SEMA6D: variants seen among roughly 807,000 people sequenced by gnomAD.
SEMA6D encodes the protein semaphorin 6D, also known as semaphorin-6D.
A neutral mutation model predicts 106.6 loss-of-function variants in SEMA6D; 35 were observed. That is an observed-to-expected ratio of 0.33 (90% CI 0.25 to 0.44). SEMA6D has a LOEUF of 0.44. Ranked by LOEUF, SEMA6D falls within the 20% of genes least tolerant of loss-of-function variation. SEMA6D has a pLI of 1.00. For missense variants in SEMA6D, 1,185 were observed against 1,345.9 expected, an observed-to-expected ratio of 0.88 and a Z score of 1.87; for synonymous variants, 499 against 487.7, an observed-to-expected ratio of 1.02 and a Z score of -0.31.
At chr15:47,741,827 C>T (rs939502579) in intron 1 of SEMA6D, among the ~76,000 whole-genome samples, 21 of 152,256 alleles carry the variant, frequency 1.4e-4, no homozygotes, top group Admixed American at 1.1e-3. Context: ...GTTATTTCTA[C>T]CAATAAGCCA....
chr15:47,350,225 A>C (rs912067335), intron 1 of SEMA6D, among the ~76,000 whole-genome samples: 1 of 152,216 alleles, frequency 6.6e-6, no homozygotes, highest in African/African-American at 2.4e-5. Context: ...TATTGTTGTC[A>C]AACCTGCTCT....
At chr15:47,245,093 A>G (rs1199685672) in intron 1 of SEMA6D, among the ~76,000 whole-genome samples, 2 of 151,882 alleles carry the variant, frequency 1.3e-5, no homozygotes, top group African/African-American at 2.4e-5. Flanking sequence ...TCTTTATCCA[A>G]TCCAACATTG....
chr15:47,320,062 TAAAAA>T (rs1227261841), intron 1 of SEMA6D, among the ~76,000 whole-genome samples: 6 of 152,144 alleles, frequency 3.9e-5, no homozygotes, highest in Non-Finnish European at 8.8e-5. Flanking sequence ...TGAGGATCTT[TAAAAA>T]CATATGTTCA....
intron 4 of SEMA6D, among the ~76,000 whole-genome samples, chr15:47,699,504 C>A (rs1028986474): frequency 1.3e-5 from 2 of 152,162 alleles, no homozygotes; most frequent in African/African-American, 4.8e-5. Flanking sequence ...CTGAAAAAGA[C>A]CTTAGACATT....
intron 2 of SEMA6D, among the ~76,000 whole-genome samples, chr15:47,422,861 TG>T (rs1211641217): frequency 6.6e-6 from 1 of 152,078 alleles, no homozygotes; most frequent in Non-Finnish European, 1.5e-5. Flanking sequence ...ATATTTTTAA[TG>T]GGATGTTATT....
At chr15:47,377,609 T>C (rs1174031765) in intron 1 of SEMA6D, among the ~76,000 whole-genome samples, 2 of 152,160 alleles carry the variant, frequency 1.3e-5, no homozygotes, top group African/African-American at 4.8e-5. Context: ...GATTAGACGT[T>C]GTCAGTAGAT....
chr15:47,687,174 A>G (rs1299312080), intron 4 of SEMA6D, among the ~76,000 whole-genome samples: 1 of 152,164 alleles, frequency 6.6e-6, no homozygotes, highest in Non-Finnish European at 1.5e-5. Context: ...TGTAGAGATA[A>G]AATGAAAGCT....
At chr15:47,344,335 A>G (rs1277517296) in intron 1 of SEMA6D, among the ~76,000 whole-genome samples, 1 of 152,214 alleles carries the variant, frequency 6.6e-6, no homozygotes, top group East Asian at 1.9e-4. Context: ...GAATAGATTT[A>G]CACTCCTGTG....
chr15:47,346,822 G>C (rs535620103), intron 1 of SEMA6D, among the ~76,000 whole-genome samples: 1 of 152,120 alleles, frequency 6.6e-6, no homozygotes, highest in African/African-American at 2.4e-5. Context: ...AACTCTGGCA[G>C]AGAACTGATG....
chr15:47,239,257 G>A (rs769299463), intron 1 of SEMA6D, among the ~76,000 whole-genome samples: 3 of 152,142 alleles, frequency 2.0e-5, no homozygotes, highest in East Asian at 1.9e-4. Flanking sequence ...AGATGGGACC[G>A]TGTAGTTGCA....
intron 3 of SEMA6D, among the ~76,000 whole-genome samples, chr15:47,553,088 G>T (rs2045810571): frequency 6.7e-6 from 1 of 149,610 alleles, no homozygotes; most frequent in African/African-American, 2.5e-5. Context: ...ATTTTTATTA[G>T]AGACAGGGTT....
intron 1 of SEMA6D, among the ~76,000 whole-genome samples, chr15:47,236,671 G>T (rs2032565257): frequency 6.6e-6 from 1 of 152,072 alleles, no homozygotes; most frequent in African/African-American, 2.4e-5. Flanking sequence ...AAGAATAATT[G>T]ATTGAGTGCA....
chr15:47,614,741 T>A (rs1596452918), intron 4 of SEMA6D, among the ~76,000 whole-genome samples: 2 of 152,300 alleles, frequency 1.3e-5, no homozygotes, highest in Non-Finnish European at 1.5e-5. Context: ...CTACAATCAT[T>A]GAAATACAAG....
chr15:47,373,425 A>G (rs1188276325), intron 1 of SEMA6D, among the ~76,000 whole-genome samples: 1 of 152,204 alleles, frequency 6.6e-6, no homozygotes, highest in African/African-American at 2.4e-5. Flanking sequence ...ACTCTTATGC[A>G]TGACTATGAT....
intron 3 of SEMA6D, among the ~76,000 whole-genome samples, chr15:47,552,907 A>AAAAT (rs2045799078): frequency 4.4e-5 from 1 of 22,832 alleles, no homozygotes; most frequent in East Asian, 9.6e-4. Context: ...TATATATATA[A>AAAAT]ATATATATAT....
intron 3 of SEMA6D, among the ~76,000 whole-genome samples, chr15:47,522,248 A>T (rs1201369724): frequency 2.0e-5 from 3 of 152,208 alleles, no homozygotes; most frequent in Non-Finnish European, 4.4e-5. Context: ...TTGTAATCAC[A>T]TTTCAAACTC....
At chr15:47,184,150 A>C (rs903275361) in exon 1 of SEMA6D, 3 of 152,824 alleles carry the variant, frequency 2.0e-5, no homozygotes, top group Non-Finnish European at 4.4e-5. Flanking sequence ...TGCTGAGGTG[A>C]CAGGGTGTGG....
intron 1 of SEMA6D, among the ~76,000 whole-genome samples, chr15:47,734,461 A>G (rs1444125258): frequency 1.3e-5 from 2 of 152,030 alleles, no homozygotes; most frequent in Admixed American, 6.6e-5. Context: ...GGAGAACCAC[A>G]CTTTTATTTA....
intron 4 of SEMA6D, among the ~76,000 whole-genome samples, chr15:47,690,528 A>G (rs1003045752): frequency 1.3e-5 from 2 of 152,154 alleles, no homozygotes; most frequent in African/African-American, 4.8e-5. Context: ...ATGTGCACAG[A>G]TGTTCTCATT....
Sources: gnomAD v4.1 joint callset for allele counts (sites outside exome capture counted in the v4.1 genomes callset) on GRCh38, gnomAD v4.1.1 for gene constraint, MANE v1.5 for transcripts, NCBI Gene and HGNC (gene_info 2026-07-23, HGNC 2026-07-21) for gene names.